The following SCAMP1 variants were observed in gnomAD, a reference collection of about 807,000 sequenced individuals.
The protein encoded by SCAMP1 is secretory carrier membrane protein 1, also known as secretory carrier-associated membrane protein 1.
In SCAMP1, 15 loss-of-function variants were observed where a neutral mutation model predicts 41.8. The ratio of observed to expected loss-of-function variants is 0.36; its 90% CI spans 0.24 to 0.55. The LOEUF (loss-of-function observed/expected upper bound fraction) is 0.55. Among genes scored for constraint, SCAMP1 ranks in the 20% least tolerant of loss-of-function variants. The probability of loss-of-function intolerance (pLI) is 0.86; values close to 1 mark genes in which losing one functional copy is unlikely to be tolerated. For synonymous variants in SCAMP1, 135 were observed against 136.8 expected (o/e 0.99, Z 0.09); for missense variants, 341 against 412.6 (o/e 0.83, Z 1.50).
At chr5:78,365,442 C>T (rs1440328325) in intron 1 of SCAMP1, among the ~76,000 whole-genome samples, 1 of 142,434 alleles carries the variant, frequency 7.0e-6, no homozygotes. Flanking sequence ...CCACTGCACT[C>T]CAGCCTGGGC....
rs375741732 is a variant in SCAMP1 at position 78,416,507 on chromosome 5, A to G, written c.235-34A>G. On this transcript the variant is annotated intron_variant, in intron 3 of 8. Coordinates refer to ENST00000621999, the MANE Select transcript of SCAMP1 (RefSeq NM_004866.6). ...AATGTTAAAGTATTTTATACTTCTG[A>G]CAGTCTATTCACATATTGATATTTT... is the stretch of plus-strand genomic sequence containing the variant. The G allele has an allele frequency of 3.4e-5, 50 of 1,457,038 alleles. No individual in the cohort carries two copies. In the African/African-American group the frequency reaches 6.7e-4, roughly 20 times the overall value. The allele number at this position is 1,457,038 out of a possible 1,614,324, so 90.3% of individuals were successfully genotyped here. A position where few individuals can be genotyped will look rare whatever the true frequency, so the allele number is the denominator to read the frequency against.
At chr5:78,363,972 G>T (rs1750731310) in intron 1 of SCAMP1, among the ~76,000 whole-genome samples, 1 of 152,212 alleles carries the variant, frequency 6.6e-6, no homozygotes, top group African/African-American at 2.4e-5. Flanking sequence ...TTATATAGAA[G>T]TTTCTGAGGA....
In SCAMP1 at chr5:78,471,025, T is replaced by G. The variant is rs538504738; in HGVS notation, c.853-4479T>G. On this transcript the variant is annotated intron_variant, in intron 8 of 8. Transcript: ENST00000621999. ...ACATTTAATCCTCAGCAGGTAGTAA[T>G]AATAATTATTCAGTGGCTTCTACTG... Among the ~76,000 whole-genome samples, 240 of 152,324 alleles carry G rather than the reference T, an allele frequency of 1.6e-3. 1 individual carries two copies. Among genetic ancestry groups the G allele is most frequent in the African/African-American group, 5.5e-3 (230 of 41,580 alleles).
At chr5:78,434,461 A>G (rs981500524) in intron 6 of SCAMP1, among the ~76,000 whole-genome samples, 7 of 152,044 alleles carry the variant, frequency 4.6e-5, no homozygotes, top group African/African-American at 1.7e-4. Context: ...CATCTGAGAG[A>G]TATAGGAAAG....
intron 6 of SCAMP1, among the ~76,000 whole-genome samples, chr5:78,429,979 T>G (rs1242881665): frequency 6.6e-6 from 1 of 151,698 alleles, no homozygotes; most frequent in Non-Finnish European, 1.5e-5. Flanking sequence ...CTGTTACATG[T>G]AACAATGATT....
intron 6 of SCAMP1, among the ~76,000 whole-genome samples, chr5:78,441,121 G>A (rs917698355): frequency 1.3e-5 from 2 of 152,170 alleles, no homozygotes; most frequent in African/African-American, 4.8e-5. Flanking sequence ...GCTTCCCTTG[G>A]CTAGGAAAGG....
At chr5:78,389,143 C>T (rs1751424547) in intron 2 of SCAMP1, among the ~76,000 whole-genome samples, 1 of 152,096 alleles carries the variant, frequency 6.6e-6, no homozygotes, top group African/African-American at 2.4e-5. Flanking sequence ...TTATGTTTTA[C>T]AGATTAAATC....
chr5:78,392,228 C>G (rs1450278526), intron 2 of SCAMP1, among the ~76,000 whole-genome samples: 1 of 152,150 alleles, frequency 6.6e-6, no homozygotes, highest in East Asian at 1.9e-4. Context: ...TACTTTGTGC[C>G]ATGTGCTTTG....
chr5:78,390,504 A>G (rs1438220067), intron 2 of SCAMP1, among the ~76,000 whole-genome samples: 1 of 152,160 alleles, frequency 6.6e-6, no homozygotes, highest in African/African-American at 2.4e-5. Flanking sequence ...GTGAGAGTGC[A>G]ATTTGGTAGT....
intron 1 of SCAMP1, among the ~76,000 whole-genome samples, chr5:78,361,264 A>G (rs1409655427): frequency 6.6e-6 from 1 of 152,036 alleles, no homozygotes; most frequent in Admixed American, 6.5e-5. Flanking sequence ...TTTATTTTTT[A>G]AACTTGTGTT....
intron 6 of SCAMP1, among the ~76,000 whole-genome samples, chr5:78,448,452 C>G (rs1753125787): frequency 6.6e-6 from 1 of 151,864 alleles, no homozygotes; most frequent in African/African-American, 2.4e-5. Flanking sequence ...TCTCACAACT[C>G]AACGATAAAG....
rs1334067745 is a variant in SCAMP1, at chr5:78,475,523, C to A, written c.872C>A (p.Thr291Lys). 1 of 1,609,318 alleles carries A rather than the reference C, an allele frequency of 6.2e-7. No individual in the cohort carries two copies. The highest frequency in any genetic ancestry group is 8.5e-7 in the Non-Finnish European group (1 of 1,178,398). ...MFKKVHGLYR[T>K]TGASFEKAQQ... is the part of the protein sequence containing the mutation. ...CTGTAGGTACATGGACTATATCGCACAACAGGTGCTAGTTTTGAGAAGGCC... is the reference window on the plus strand; with the variant it reads ...CTGTAGGTACATGGACTATATCGCAAAACAGGTGCTAGTTTTGAGAAGGCC... Residue 291 changes from threonine to lysine, a missense_variant, in exon 9 of 9, where the codon ACA (threonine) becomes AAA (lysine). Coordinates refer to ENST00000621999, the MANE Select transcript of SCAMP1 (RefSeq NM_004866.6).
intron 5 of SCAMP1, 117 bp from the exon 6 acceptor site, chr5:78,421,684 A>G (rs1393099416): frequency 3.3e-5 from 27 of 823,690 alleles, no homozygotes; most frequent in Non-Finnish European, 5.3e-5. Context: ...AAATGGAAAC[A>G]TGGAGTAGAA....
rs146963959 is a variant in SCAMP1 at position 78,473,455 on chromosome 5, T to C, written c.853-2049T>C. ...TTTCTTCTTGTGGATGCCTCTTAAA[T>C]AGTGTCTTTTTAAAACAATTTCAAG... On this transcript the variant is annotated intron_variant, in intron 8 of 8. Transcript: ENST00000621999. Among the ~76,000 whole-genome samples, 833 of 152,266 alleles carry C rather than the reference T, an allele frequency of 5.5e-3. 4 individuals carry two copies. Among genetic ancestry groups the C allele is most frequent in the African/African-American group, 0.019 (787 of 41,560 alleles).
intron 2 of SCAMP1, among the ~76,000 whole-genome samples, chr5:78,392,396 G>T (rs1368616265): frequency 1.3e-5 from 2 of 152,140 alleles, no homozygotes; most frequent in Admixed American, 1.3e-4. Flanking sequence ...TTTTCATTTT[G>T]CTAGTGCTAT....
intron 7 of SCAMP1, among the ~76,000 whole-genome samples, chr5:78,453,102 T>C (rs1312887452): frequency 6.7e-6 from 1 of 150,312 alleles, no homozygotes; most frequent in Admixed American, 6.6e-5. Context: ...GTCAGACGAG[T>C]AGGTTGCGAA....
intron 6 of SCAMP1, among the ~76,000 whole-genome samples, chr5:78,434,453 T>C (rs971501191): frequency 2.6e-5 from 4 of 152,114 alleles, no homozygotes; most frequent in Non-Finnish European, 5.9e-5. Flanking sequence ...CCCTACTACA[T>C]CTGAGAGATA....
intron 8 of SCAMP1, among the ~76,000 whole-genome samples, chr5:78,460,643 A>G (rs763761825): frequency 1.2e-4 from 18 of 151,178 alleles, no homozygotes; most frequent in Non-Finnish European, 2.4e-4. Context: ...TCTGGATATT[A>G]GTCCTTTGTC....
At chr5:78,453,049 A>C (rs1333058360) in intron 7 of SCAMP1, among the ~76,000 whole-genome samples, 1 of 146,828 alleles carries the variant, frequency 6.8e-6, no homozygotes, top group Non-Finnish European at 1.5e-5. Flanking sequence ...TTTTTCTTGT[A>C]AATTTGTTTG....
Sources: allele counts gnomAD v4.1 joint callset (sites outside exome capture counted in the v4.1 genomes callset), GRCh38; gene constraint gnomAD v4.1.1; transcripts MANE v1.5; gene names NCBI Gene and HGNC (gene_info 2026-07-23, HGNC 2026-07-21).